ATP10B: variants seen among roughly 807,000 people sequenced by gnomAD.
The protein encoded by ATP10B is ATPase phospholipid transporting 10B (putative), also known as phospholipid-transporting ATPase VB.
ATP10B carries 122 observed loss-of-function variants against 141.2 expected under a neutral mutation model. That is an observed-to-expected ratio of 0.86 (90% CI 0.75 to 1.00). The LOEUF (loss-of-function observed/expected upper bound fraction) is 1.00, where lower values mean the gene tolerates loss of function less well. ATP10B is among the 50% of genes least tolerant of loss of function. ATP10B has a pLI of 0.00. For missense variants in ATP10B, 1,876 were observed against 1,825.3 expected (o/e 1.03, Z -0.51); for synonymous variants, 685 against 692.0 (o/e 0.99, Z 0.16).
At chr5:160,590,755 G>A (rs547673354) in intron 23 of ATP10B, among the ~76,000 whole-genome samples, 1 of 152,296 alleles carries the variant, frequency 6.6e-6, no homozygotes, top group African/African-American at 2.4e-5. Context: ...AGAGACTAAG[G>A]CAAACTGGAG....
chr5:160,598,972 T>C lies in ATP10B; in HGVS notation c.3364-2A>G. ...CCAGAAGAGCAGGTTGACGTAGCAC[T>C]GCAGGCAGAGAGCATGGCCTTGTGA... On this transcript the variant is annotated splice_acceptor_variant, in intron 21 of 25. Coordinates refer to ENST00000327245, the MANE Select transcript of ATP10B (RefSeq NM_025153.3). LOFTEE classifies it high-confidence loss of function. 1.2e-6 allele frequency: 2 copies of C among 1,613,880 alleles called. No individual in the cohort carries two copies. Among genetic ancestry groups the C allele is most frequent in the Non-Finnish European group, 1.7e-6 (2 of 1,179,912 alleles).
At chr5:160,867,618 C>T in the ATP10B span, among the ~76,000 whole-genome samples, 1 of 152,012 alleles carries the variant, frequency 6.6e-6, no homozygotes, top group Non-Finnish European at 1.5e-5. Context: ...ATATTTTTGA[C>T]TTAGATTGGG....
At chr5:160,608,636 A>G (rs1428147962) in intron 18 of ATP10B, among the ~76,000 whole-genome samples, 1 of 152,076 alleles carries the variant, frequency 6.6e-6, no homozygotes, top group East Asian at 1.9e-4. Flanking sequence ...CTGGTTTAAG[A>G]TGGTATCTCA....
At chr5:160,862,795 T>A in the ATP10B span, among the ~76,000 whole-genome samples, 1 of 151,964 alleles carries the variant, frequency 6.6e-6, no homozygotes, top group Non-Finnish European at 1.5e-5. Flanking sequence ...TGGAAACATA[T>A]TTGCAGAAAT....
At chr5:160,855,279 TC>T (rs1281168746), upstream of ATP10B, among the ~76,000 whole-genome samples, 1 of 152,096 alleles carries the variant, frequency 6.6e-6, no homozygotes, top group Non-Finnish European at 1.5e-5. Context: ...TTTCTCCGCA[TC>T]CTCACCAGCA....
intron 2 of ATP10B, among the ~76,000 whole-genome samples, chr5:160,762,301 A>G (rs541087973): frequency 5.3e-5 from 8 of 152,314 alleles, no homozygotes; most frequent in African/African-American, 1.9e-4. Flanking sequence ...AAGAATCTTA[A>G]CAGCTGTGAG....
chr5:160,782,123 C>G (rs997440573), intron 2 of ATP10B, among the ~76,000 whole-genome samples: 2 of 152,130 alleles, frequency 1.3e-5, no homozygotes, highest in Non-Finnish European at 2.9e-5. Flanking sequence ...AAATCTCTTC[C>G]TTTCAGGAAA....
At chr5:160,577,924 TA>T in intron 24 of ATP10B, among the ~76,000 whole-genome samples, 1 of 152,266 alleles carries the variant, frequency 6.6e-6, no homozygotes, top group Middle Eastern at 3.4e-3. Context: ...AACAATTTAT[TA>T]AAAGTTTCTA....
At chr5:160,568,323 T>G (rs7704156) in intron 25 of ATP10B, among the ~76,000 whole-genome samples, 1 of 152,050 alleles carries the variant, frequency 6.6e-6, no homozygotes, top group East Asian at 1.9e-4. Context: ...GAACATAAAG[T>G]TAGAAGAGAA....
the ATP10B span, among the ~76,000 whole-genome samples, chr5:160,881,353 T>C: frequency 6.6e-6 from 1 of 152,178 alleles, no homozygotes; most frequent in African/African-American, 2.4e-5. Flanking sequence ...AAATGTAAAA[T>C]GGCACAGCTG....
chr5:160,576,834 T>G (rs1485701049), intron 24 of ATP10B, among the ~76,000 whole-genome samples: 3 of 152,168 alleles, frequency 2.0e-5, no homozygotes, highest in African/African-American at 7.2e-5. Flanking sequence ...AGGACCCAGA[T>G]ATTACAGGTT....
At chr5:160,676,737 T>C (rs1199018945) in intron 6 of ATP10B, among the ~76,000 whole-genome samples, 1 of 152,236 alleles carries the variant, frequency 6.6e-6, no homozygotes, top group Non-Finnish European at 1.5e-5. Context: ...CTTCTAACAA[T>C]GATATTTTAA....
chr5:160,928,114 A>G, the ATP10B span, among the ~76,000 whole-genome samples: 1 of 152,058 alleles, frequency 6.6e-6, no homozygotes, highest in South Asian at 2.1e-4. Flanking sequence ...AGTCCAGTGA[A>G]CCATGCTTTG....
At chr5:160,707,113 G>A (rs777284602) in intron 3 of ATP10B, among the ~76,000 whole-genome samples, 29 of 152,050 alleles carry the variant, frequency 1.9e-4, no homozygotes, top group Admixed American at 2.6e-4. Flanking sequence ...ACCACGCCTC[G>A]CTAATTTTTG....
chr5:160,726,654 AGAAGGGGAGGAG>A (rs1766381923), intron 2 of ATP10B, among the ~76,000 whole-genome samples: 1 of 119,148 alleles, frequency 8.4e-6, no homozygotes, highest in Non-Finnish European at 1.7e-5. Flanking sequence ...GGGTGGGGGA[AGAAGGGGAGGAG>A]GAAGGAGTAG....
At chr5:160,884,278 G>A in the ATP10B span, among the ~76,000 whole-genome samples, 1 of 152,140 alleles carries the variant, frequency 6.6e-6, no homozygotes, top group Non-Finnish European at 1.5e-5. Flanking sequence ...GTGTGTAAGA[G>A]TCAAAGAGTT....
chr5:160,893,479 G>A, the ATP10B span, among the ~76,000 whole-genome samples: 1 of 152,170 alleles, frequency 6.6e-6, no homozygotes, highest in African/African-American at 2.4e-5. Context: ...AGCCACTGTA[G>A]CCAGACTTTC....
At chr5:160,720,063 G>T (rs1334544583) in intron 2 of ATP10B, among the ~76,000 whole-genome samples, 1 of 152,146 alleles carries the variant, frequency 6.6e-6, no homozygotes, top group African/African-American at 2.4e-5. Context: ...TCCTCCCAAG[G>T]CATTGGTGAT....
chr5:160,594,071 C>T (rs578048952), intron 22 of ATP10B, among the ~76,000 whole-genome samples: 57 of 152,100 alleles, frequency 3.7e-4, no homozygotes, highest in Non-Finnish European at 7.9e-4. Context: ...AGAGCAACTC[C>T]AAGACACATA....
Sources: allele counts gnomAD v4.1 joint callset (sites outside exome capture counted in the v4.1 genomes callset), GRCh38; gene constraint gnomAD v4.1.1; transcripts MANE v1.5; gene names NCBI Gene and HGNC (gene_info 2026-07-23, HGNC 2026-07-21).